Variants in OPCML observed in about 807,000 individuals in gnomAD.
The protein encoded by OPCML is opioid binding protein/cell adhesion molecule like, also known as opioid-binding protein/cell adhesion molecule.
OPCML carries 13 observed loss-of-function variants against 37.8 expected under a neutral mutation model. The ratio of observed to expected loss-of-function variants is 0.34; its 90% confidence interval spans 0.22 to 0.55. The LOEUF (loss-of-function observed/expected upper bound fraction) is 0.55, where lower values mean the gene tolerates loss of function less well. Among genes scored for constraint, OPCML ranks in the 20% least tolerant of loss-of-function variants. OPCML has a pLI of 0.91. For synonymous variants in OPCML, 176 were observed against 168.8 expected, an observed-to-expected ratio of 1.04 and a Z score of -0.33; for missense variants, 341 against 435.6, an observed-to-expected ratio of 0.78 and a Z score of 1.93.
intron 3 of OPCML, among the ~76,000 whole-genome samples, chr11:132,550,102 A>G (rs2096378018): frequency 6.6e-6 from 1 of 152,010 alleles, no homozygotes. Context: ...TGGATAGGGA[A>G]CTCTTTCTGG....
intron 3 of OPCML, among the ~76,000 whole-genome samples, chr11:132,624,404 A>T (rs1332238514): frequency 6.6e-6 from 1 of 152,204 alleles, no homozygotes; most frequent in African/African-American, 2.4e-5. Context: ...TAGATTTTGA[A>T]GCCGTTGGCC....
At chr11:133,457,247 T>G (rs1293217051) in intron 1 of OPCML, among the ~76,000 whole-genome samples, 2 of 152,112 alleles carry the variant, frequency 1.3e-5, no homozygotes, top group African/African-American at 4.8e-5. Context: ...CAGTCAAGAA[T>G]CTAGGTTGGG....
chr11:132,900,474 T>C (rs1944017254), intron 2 of OPCML, among the ~76,000 whole-genome samples: 1 of 152,188 alleles, frequency 6.6e-6, no homozygotes, highest in African/African-American at 2.4e-5. Context: ...TCAGGCCCAC[T>C]GATACGCATT....
At chr11:133,489,898 A>AT (rs1420469860) in intron 1 of OPCML, among the ~76,000 whole-genome samples, 2 of 151,908 alleles carry the variant, frequency 1.3e-5, no homozygotes, top group African/African-American at 4.8e-5. Context: ...ACACATACAT[A>AT]TTTATACATA....
chr11:133,327,572 A>T (rs1315730859), intron 1 of OPCML, among the ~76,000 whole-genome samples: 1 of 152,224 alleles, frequency 6.6e-6, no homozygotes, highest in Admixed American at 6.5e-5. Context: ...CTATCTGCCC[A>T]TCTCTTTAGT....
At chr11:133,108,723 G>C (rs1949201577) in intron 1 of OPCML, among the ~76,000 whole-genome samples, 1 of 152,028 alleles carries the variant, frequency 6.6e-6, no homozygotes, top group Non-Finnish European at 1.5e-5. Flanking sequence ...TGGGTTTTAA[G>C]TCACATTGAG....
intron 1 of OPCML, among the ~76,000 whole-genome samples, chr11:132,955,354 T>G (rs1370953924): frequency 6.6e-6 from 1 of 152,090 alleles, no homozygotes; most frequent in Non-Finnish European, 1.5e-5. Context: ...TCAAAACACT[T>G]CCCTCTCTGG....
At chr11:132,516,713 G>T (rs1432684650) in intron 4 of OPCML, among the ~76,000 whole-genome samples, 1 of 152,126 alleles carries the variant, frequency 6.6e-6, no homozygotes, top group Admixed American at 6.5e-5. Context: ...TCATGACAGA[G>T]AGGCTGAGTT....
chr11:133,433,111 G>C (rs531485978), intron 1 of OPCML, among the ~76,000 whole-genome samples: 89 of 151,818 alleles, frequency 5.9e-4, no homozygotes, highest in Non-Finnish European at 1.1e-3. Context: ...CAATTATTAC[G>C]TTTCATATTT....
chr11:133,498,064 C>T (rs1275142665), intron 1 of OPCML, among the ~76,000 whole-genome samples: 4 of 152,194 alleles, frequency 2.6e-5, no homozygotes, highest in Non-Finnish European at 4.4e-5. Flanking sequence ...GTGTGAGGGC[C>T]GGGGGCCAAG....
rs557346591 is a variant in OPCML at position 132,839,257 on chromosome 11, A to T, written c.146+103669T>A. On this transcript the variant is annotated intron_variant, in intron 2 of 7. Coordinates refer to ENST00000524381, the MANE Select transcript of OPCML (RefSeq NM_001012393.5). ...GAACGGCCTTGGGAAATCAGGTGGG[A>T]CACAGGCCTGAGCCCCACTCACGGG... is the stretch of plus-strand genomic sequence containing the variant. Among the ~76,000 whole-genome samples, 58 of 152,292 alleles carry T rather than the reference A, an allele frequency of 3.8e-4. 5 individuals carry two copies. In the South Asian group the frequency reaches 0.012, roughly 31 times the overall value.
At chr11:132,663,670 A>T (rs1044422236) in intron 2 of OPCML, among the ~76,000 whole-genome samples, 1 of 152,196 alleles carries the variant, frequency 6.6e-6, no homozygotes, top group Non-Finnish European at 1.5e-5. Flanking sequence ...TATGGGCTCC[A>T]CTGTAGTAAT....
At chr11:133,500,400 C>T (rs1437647406) in intron 1 of OPCML, among the ~76,000 whole-genome samples, 1 of 152,196 alleles carries the variant, frequency 6.6e-6, no homozygotes, top group Non-Finnish European at 1.5e-5. Context: ...GTCAGCTTCT[C>T]TCCAGGCCAT....
intron 4 of OPCML, among the ~76,000 whole-genome samples, chr11:132,509,333 G>A (rs114010072): frequency 0.013 from 2,021 of 150,154 alleles, 40 homozygotes; most frequent in African/African-American, 0.047. Flanking sequence ...TTTGCAGCCT[G>A]ACTACGTGAT....
rs1239133768 is a variant in OPCML, at chr11:133,012,282, C to T, written c.62-69272G>A. 2.6e-5 allele frequency among the ~76,000 whole-genome samples: 4 copies of T among 152,078 alleles called. No individual in the cohort carries two copies. The East Asian group carries it at 5.8e-4, about 22-fold the overall frequency. ...TAGTGTCAAGGTCGGGAAAACCTGGCGTAGACAAGGAAAACTATTATTTGT... is the reference window on the plus strand; with the variant it reads ...TAGTGTCAAGGTCGGGAAAACCTGGTGTAGACAAGGAAAACTATTATTTGT... On this transcript the variant is annotated intron_variant, in intron 1 of 7. Coordinates refer to ENST00000524381, the MANE Select transcript of OPCML (RefSeq NM_001012393.5).
intron 1 of OPCML, among the ~76,000 whole-genome samples, chr11:133,362,624 C>T (rs1392318844): frequency 3.9e-5 from 6 of 152,102 alleles, no homozygotes; most frequent in Admixed American, 1.3e-4. Context: ...GGCTGAAGAG[C>T]GGGGGCTGGC....
intron 2 of OPCML, among the ~76,000 whole-genome samples, chr11:132,802,129 C>T (rs1938691542): frequency 6.6e-6 from 1 of 152,148 alleles, no homozygotes; most frequent in Non-Finnish European, 1.5e-5. Flanking sequence ...ATGCTTCTGA[C>T]TCAAACTGTT....
At position 132,437,354 on chromosome 11, in the gene OPCML, G is replaced by A; in HGVS notation, c.511C>T (p.Gln171Ter). 1 of 1,614,016 alleles carries A rather than the reference G, an allele frequency of 6.2e-7. No individual in the cohort carries two copies. Among genetic ancestry groups the A allele is most frequent in the South Asian group, 1.1e-5 (1 of 91,030 alleles). ...TACTCATCCTCACTTACAAAGCCCT[G>A]GCCTTCTGGGAAGAAAGAAGCAGAC... is the stretch of plus-strand genomic sequence containing the variant. The part of the protein sequence containing the change: ...TWRHLSVKEG[Q>*]GFVSEDEYLE... Residue 171 changes from glutamine to a stop codon, truncating the protein, a stop_gained, in exon 5 of 8, where the codon CAG (glutamine) becomes TAG (stop). Transcript: ENST00000524381. LOFTEE classifies it high-confidence loss of function.
chr11:133,506,064 C>T (rs1429075928), intron 1 of OPCML, among the ~76,000 whole-genome samples: 2 of 152,240 alleles, frequency 1.3e-5, no homozygotes, highest in Admixed American at 6.5e-5. Flanking sequence ...TAATGTCTTA[C>T]ATTAGCAAGA....
Sources: allele counts gnomAD v4.1 joint callset (sites outside exome capture counted in the v4.1 genomes callset), GRCh38; gene constraint gnomAD v4.1.1; transcripts MANE v1.5; gene names NCBI Gene and HGNC (gene_info 2026-07-23, HGNC 2026-07-21).